RAPGEF4: variants seen among roughly 807,000 people sequenced by gnomAD.
The protein encoded by RAPGEF4 is Rap guanine nucleotide exchange factor 4, also known as RAP guanine-nucleotide-exchange factor (GEF) 4.
In RAPGEF4, 66 loss-of-function variants were observed where a neutral mutation model predicts 147.9. That is an observed-to-expected ratio of 0.45 (90% CI 0.37 to 0.55). The LOEUF (loss-of-function observed/expected upper bound fraction) is 0.55, where lower values mean the gene tolerates loss of function less well. RAPGEF4 is among the 20% of genes least tolerant of loss of function. The probability of loss-of-function intolerance (pLI) is 0.00; values close to 1 mark genes in which losing one functional copy is unlikely to be tolerated. For missense variants in RAPGEF4, 1,071 were observed against 1,257.3 expected, an observed-to-expected ratio of 0.85 and a Z score of 2.24; for synonymous variants, 419 against 442.7, an observed-to-expected ratio of 0.95 and a Z score of 0.67.
At chr2:172,813,274 A>G (rs770602994) in intron 3 of RAPGEF4, among the ~76,000 whole-genome samples, 10 of 152,224 alleles carry the variant, frequency 6.6e-5, no homozygotes, top group Non-Finnish European at 1.5e-4. Flanking sequence ...CCCTTAGTTT[A>G]TAATGCCTTA....
intron 23 of RAPGEF4, 108 bp from the exon 24 acceptor site, chr2:173,026,464 A>G: frequency 1.7e-6 from 2 of 1,211,402 alleles, no homozygotes; most frequent in Non-Finnish European, 2.3e-6. Flanking sequence ...ATATTCCTGA[A>G]AGCGTCCATC....
chr2:172,942,116 A>G (rs995903289), intron 6 of RAPGEF4, among the ~76,000 whole-genome samples: 1 of 151,492 alleles, frequency 6.6e-6, no homozygotes, highest in Non-Finnish European at 1.5e-5. Context: ...GCTAATTAAC[A>G]TATCCTTTTT....
intron 4 of RAPGEF4, among the ~76,000 whole-genome samples, chr2:172,908,345 T>A (rs1277806872): frequency 6.6e-6 from 1 of 151,794 alleles, no homozygotes; most frequent in African/African-American, 2.4e-5. Flanking sequence ...CTCTGCTGGG[T>A]CCCACACTGG....
chr2:172,773,989 C>T (rs773153893), intron 1 of RAPGEF4, among the ~76,000 whole-genome samples: 2 of 152,182 alleles, frequency 1.3e-5, no homozygotes, highest in Non-Finnish European at 2.9e-5. Flanking sequence ...AGAATACTTT[C>T]GAGAGTGAAT....
chr2:172,969,420 A>G (rs1425055497), intron 10 of RAPGEF4, among the ~76,000 whole-genome samples: 1 of 152,204 alleles, frequency 6.6e-6, no homozygotes, highest in African/African-American at 2.4e-5. Context: ...GGCACAGCCT[A>G]ATGTGGAGGA....
chr2:172,865,179 A>G (rs1282864387), intron 4 of RAPGEF4, among the ~76,000 whole-genome samples: 1 of 152,132 alleles, frequency 6.6e-6, no homozygotes, highest in Non-Finnish European at 1.5e-5. Flanking sequence ...CCCTCGGCAC[A>G]ACTGAGCCAT....
rs886122029 is a variant in RAPGEF4 at position 173,051,811 on chromosome 2, T to C, written c.*44T>C. 3.7e-6 allele frequency: 6 copies of C among 1,604,132 alleles called. No individual in the cohort carries two copies. The highest frequency in any genetic ancestry group is 5.1e-6 in the Non-Finnish European group (6 of 1,173,388). ...GCAACAGTTTGTCTCCAGTCCACAA[T>C]CTTTCAAAAATGCCATTTATGCTAC... On this transcript the variant is annotated 3_prime_UTR_variant, in exon 31 of 31. Transcript: ENST00000397081.
chr2:173,005,520 G>GGTTT (rs1553546840), intron 17 of RAPGEF4, among the ~76,000 whole-genome samples: 7 of 86,736 alleles, frequency 8.1e-5, no homozygotes, highest in African/African-American at 3.2e-4. Context: ...GTTGTTTTGT[G>GGTTT]TTTTTTTTTT....
rs1169152125 is a variant in RAPGEF4, at chr2:172,983,527, A to G, written c.1036A>G (p.Ile346Val). Residue 346 changes from isoleucine (I) to valine (V), a missense_variant, in exon 11 of 31, where the codon ATT becomes GTT. Physicochemically the swap from Ile to Val is conservative, Grantham distance 29. Coordinates refer to ENST00000397081, the MANE Select transcript of RAPGEF4 (RefSeq NM_007023.4). ...CCAGAGGACTGTGGATGACCTAGAG[A>G]TTATCTATGAGGAGCTTCTTCATAT... The part of the protein sequence containing the change: ...PGQRTVDDLE[I>V]IYEELLHIKA... The G allele has an allele frequency of 6.2e-7, 1 of 1,611,708 alleles. No homozygotes were observed. The highest frequency in any genetic ancestry group is 8.5e-7 in the Non-Finnish European group (1 of 1,179,716).
chr2:172,976,942 A>C (rs1166487889), intron 10 of RAPGEF4, among the ~76,000 whole-genome samples: 2 of 152,222 alleles, frequency 1.3e-5, no homozygotes, highest in Admixed American at 6.5e-5. Context: ...CATCCCCTGC[A>C]GAAACTAGGC....
rs962490487 is a variant in RAPGEF4, at chr2:172,890,136, T to C, written c.445-27666T>C. ...TGTGAACCGAAAATAATTTAGAGGG[T>C]TTTTATTTTGGCAGCTGAGGTTCTG... On this transcript the variant is annotated intron_variant, in intron 4 of 30. Coordinates refer to ENST00000397081, the MANE Select transcript of RAPGEF4 (RefSeq NM_007023.4). Among the ~76,000 whole-genome samples the C allele has an allele frequency of 7.2e-5, 11 of 152,080 alleles. No individual in the cohort carries two copies. In the South Asian group the frequency reaches 2.3e-3, roughly 32 times the overall value.
intron 1 of RAPGEF4, among the ~76,000 whole-genome samples, chr2:172,769,435 C>G (rs551360877): frequency 4.6e-5 from 7 of 152,274 alleles, no homozygotes; most frequent in African/African-American, 1.7e-4. Flanking sequence ...TGTCTGAGCT[C>G]TGGGTGTGAT....
intron 10 of RAPGEF4, among the ~76,000 whole-genome samples, chr2:172,978,007 T>C (rs1867942): frequency 0.62 from 94,157 of 152,092 alleles, 30,766 homozygotes; most frequent in East Asian, 0.8. Context: ...TTGAATGTTG[T>C]TTAGGATTCA....
At chr2:172,912,548 C>T (rs1474156790) in intron 4 of RAPGEF4, among the ~76,000 whole-genome samples, 5 of 152,126 alleles carry the variant, frequency 3.3e-5, no homozygotes, top group Non-Finnish European at 7.4e-5. Flanking sequence ...TGTCATGAGG[C>T]CCTTTCTAAC....
intron 1 of RAPGEF4, among the ~76,000 whole-genome samples, chr2:172,750,629 C>G (rs926089068): frequency 6.6e-6 from 1 of 152,170 alleles, no homozygotes; most frequent in Non-Finnish European, 1.5e-5. Flanking sequence ...CCCTTTTCTC[C>G]ATGTCCTCAA....
At chr2:172,898,381 C>T (rs959882344) in intron 4 of RAPGEF4, among the ~76,000 whole-genome samples, 3 of 152,184 alleles carry the variant, frequency 2.0e-5, no homozygotes, top group South Asian at 2.1e-4. Flanking sequence ...ATTACCAGAC[C>T]GTCTTCTCTT....
chr2:172,992,322 A>G (rs1169401482), intron 15 of RAPGEF4, among the ~76,000 whole-genome samples: 1 of 152,224 alleles, frequency 6.6e-6, no homozygotes, highest in Non-Finnish European at 1.5e-5. Context: ...TTTTCCTTCC[A>G]GTCCACTAAG....
At chr2:172,931,214 G>A (rs112565274) in intron 6 of RAPGEF4, among the ~76,000 whole-genome samples, 33 of 145,414 alleles carry the variant, frequency 2.3e-4, no homozygotes, top group African/African-American at 8.1e-4. Context: ...TGAACAGGTG[G>A]GAGGGGATTC....
intron 6 of RAPGEF4, among the ~76,000 whole-genome samples, chr2:172,934,147 C>CT (rs5836396): frequency 0.71 from 70,590 of 99,138 alleles, 27,506 homozygotes; most frequent in Middle Eastern, 0.83. Flanking sequence ...TTATTTAATC[C>CT]TTTTTTTTTT....
Sources: gnomAD v4.1 joint callset for allele counts (sites outside exome capture counted in the v4.1 genomes callset) on GRCh38, gnomAD v4.1.1 for gene constraint, MANE v1.5 for transcripts, NCBI Gene and HGNC (gene_info 2026-07-23, HGNC 2026-07-21) for gene names.